The following VIPAS39 variants were observed in gnomAD, a reference collection of about 807,000 sequenced individuals.
The protein encoded by VIPAS39 is VPS33B interacting protein, apical-basolateral polarity regulator, spe-39 homolog.
Under a neutral mutation model 84.7 loss-of-function variants are expected in VIPAS39, and 63 were observed. That is an observed-to-expected ratio of 0.74 (90% CI 0.61 to 0.92). The LOEUF (loss-of-function observed/expected upper bound fraction) is 0.92. Ranked by LOEUF, VIPAS39 falls within the 40% of genes least tolerant of loss-of-function variation. VIPAS39 has a pLI of 0.00. For synonymous variants in VIPAS39, 192 were observed against 216.5 expected, an observed-to-expected ratio of 0.89 and a Z score of 0.99; for missense variants, 499 against 604.5, an observed-to-expected ratio of 0.83 and a Z score of 1.83.
At chr14:77,446,975 A>T (rs965688442) in intron 7 of VIPAS39, among the ~76,000 whole-genome samples, 2 of 147,574 alleles carry the variant, frequency 1.4e-5, no homozygotes, top group East Asian at 1.9e-4. Flanking sequence ...CTATAAGATT[A>T]TAAGTTACAT....
chr14:77,447,565 C>T (rs1594918726), intron 7 of VIPAS39, among the ~76,000 whole-genome samples: 1 of 152,208 alleles, frequency 6.6e-6, no homozygotes, highest in East Asian at 1.9e-4. Flanking sequence ...TGGAGATCTA[C>T]ATGGGGAAAA....
intron 7 of VIPAS39, among the ~76,000 whole-genome samples, chr14:77,444,982 G>T (rs537162550): frequency 8.8e-5 from 13 of 147,220 alleles, no homozygotes; most frequent in Non-Finnish European, 1.3e-4. Flanking sequence ...TTTTTGAGAC[G>T]GAGTCTCGCT....
chr14:77,442,094 C>T (rs1173924721), intron 10 of VIPAS39, among the ~76,000 whole-genome samples: 1 of 152,160 alleles, frequency 6.6e-6, no homozygotes, highest in Admixed American at 6.5e-5. Context: ...CCACTGGTAT[C>T]ACTTAGAATC....
At chr14:77,439,583 T>A (rs145252473) in intron 11 of VIPAS39, among the ~76,000 whole-genome samples, 1 of 152,176 alleles carries the variant, frequency 6.6e-6, no homozygotes, top group African/African-American at 2.4e-5. Flanking sequence ...GGCTAGGAGT[T>A]CAAGACCAGC....
Position 77,457,515 on chromosome 14 carries a change from C to A in VIPAS39, c.-21G>T. 1.1e-6 allele frequency: 1 copy of A among 950,302 alleles called. No homozygotes were observed. Among genetic ancestry groups the A allele is most frequent in the African/African-American group, 1.6e-5 (1 of 61,062 alleles). 58.9% of individuals were successfully genotyped at this position (950,302 alleles called of 1,614,324 possible). ...CTCACCTCTTCCGCACAGAGCCCTC[C>A]CTCTCAGGACAGCGCCAGCCTCCGC... On this transcript the variant is annotated 5_prime_UTR_variant, in exon 1 of 20. Coordinates refer to ENST00000557658, the MANE Select transcript of VIPAS39 (RefSeq NM_001193315.2).
intron 7 of VIPAS39, among the ~76,000 whole-genome samples, chr14:77,446,705 T>C (rs567160431): frequency 9.8e-5 from 15 of 152,352 alleles, no homozygotes; most frequent in Admixed American, 2.6e-4. Context: ...GATTTCAACA[T>C]TTATATAATA....
chr14:77,438,256 C>G (rs1225103400), intron 11 of VIPAS39, among the ~76,000 whole-genome samples: 1 of 139,670 alleles, frequency 7.2e-6, no homozygotes, highest in Admixed American at 7.8e-5. Context: ...GAGACGAAGT[C>G]TCACTCTTGT....
At chr14:77,433,790 T>C (rs1271163065) in intron 16 of VIPAS39, 52 bp downstream of exon 16, 4 of 1,579,274 alleles carry the variant, frequency 2.5e-6, no homozygotes, top group South Asian at 1.1e-5. Flanking sequence ...TATAACATGA[T>C]AGAACCCTTC....
chr14:77,444,005 C>G (rs142811194), intron 8 of VIPAS39, among the ~76,000 whole-genome samples: 16 of 147,960 alleles, frequency 1.1e-4, no homozygotes, highest in African/African-American at 3.5e-4. Flanking sequence ...CACACCACTG[C>G]ACTTCAACCT....
Position 77,429,716 on chromosome 14 carries a change from C to T in VIPAS39, c.1231G>A (p.Val411Ile). Residue 411 changes from valine (V) to isoleucine (I), a missense_variant, in exon 17 of 20, where the codon GTC becomes ATC. Physicochemically the swap from Val to Ile is conservative, Grantham distance 29. Coordinates refer to ENST00000557658, the MANE Select transcript of VIPAS39 (RefSeq NM_001193315.2). ...KRAPIGFHRV[V>I]EILHKNNAPV... ...GCATTGTTCTTGTGCAAAATTTCGA[C>T]AACCCGATGGAAGCCAATGGGTGCT... is the stretch of plus-strand genomic sequence containing the variant. The T allele has an allele frequency of 1.2e-6, 2 of 1,614,192 alleles. No individual in the cohort carries two copies. The highest frequency in any genetic ancestry group is 1.7e-6 in the Non-Finnish European group (2 of 1,180,028).
In VIPAS39 at chr14:77,454,295, T is replaced by C. The variant is rs369712169; in HGVS notation, c.1-193A>G. 7.9e-5 allele frequency among the ~76,000 whole-genome samples: 12 copies of C among 152,310 alleles called. No individual in the cohort carries two copies. In the South Asian group the frequency reaches 1.9e-3, roughly 24 times the overall value. ...CCAACTGATCAAATCATACTTCTAA[T>C]CTTCTAATTACCCATAAGTAGTCAT... On this transcript the variant is annotated intron_variant, in intron 1 of 19. Transcript: ENST00000557658.
chr14:77,457,335 A>G lies in VIPAS39; in HGVS notation c.-1+160T>C, dbSNP rs562199500. On this transcript the variant is annotated intron_variant, in intron 1 of 19. Coordinates refer to ENST00000557658, the MANE Select transcript of VIPAS39 (RefSeq NM_001193315.2). ...GTGCTCACTCGCAGCCCCAGTCCCA[A>G]GCGTACTCCAGCGCCCAAGGGTCGC... 2,443 of 1,535,630 alleles carry G rather than the reference A, an allele frequency of 1.6e-3. 4 individuals carry two copies. Among genetic ancestry groups the G allele is most frequent in the Non-Finnish European group, 1.9e-3 (2,147 of 1,146,890 alleles).
At chr14:77,442,968 G>T in intron 9 of VIPAS39, 151 bp downstream of exon 9, 2 of 1,028,084 alleles carry the variant, frequency 1.9e-6, no homozygotes, top group Non-Finnish European at 1.5e-6. Context: ...CGCCCTCAGA[G>T]ATGTGATTTG....
chr14:77,449,431 G>T, intron 5 of VIPAS39, 74 bp from the exon 6 acceptor site: 1 of 1,576,294 alleles, frequency 6.3e-7, no homozygotes, highest in Non-Finnish European at 8.7e-7. Context: ...CTACTTCTTC[G>T]TTCTCACATT....
chr14:77,450,663 C>T (rs148187294), intron 4 of VIPAS39, among the ~76,000 whole-genome samples: 12 of 152,238 alleles, frequency 7.9e-5, no homozygotes, highest in African/African-American at 2.9e-4. Flanking sequence ...GAAGCCCCCA[C>T]CATGCCCGGC....
In VIPAS39 at chr14:77,447,321, G is replaced by A. The variant is rs1185446370; in HGVS notation, c.504+1173C>T. ...ATTACAGGCATGAACCACCGTGCCC[G>A]GCCGCACACCTGGCTAATTTTTTTT... is the stretch of plus-strand genomic sequence containing the variant. On this transcript the variant is annotated intron_variant, in intron 7 of 19. Coordinates refer to ENST00000557658, the MANE Select transcript of VIPAS39 (RefSeq NM_001193315.2). 3.3e-5 allele frequency among the ~76,000 whole-genome samples: 5 copies of A among 149,926 alleles called. No homozygotes were observed. In the South Asian group the frequency reaches 6.3e-4, roughly 19 times the overall value.
rs2078847861 is a variant in VIPAS39, at chr14:77,449,400, C to G, written c.383-43G>C. The G allele has an allele frequency of 1.9e-6, 3 of 1,607,876 alleles. No individual in the cohort carries two copies. The East Asian group carries it at 6.7e-5, about 36-fold the overall frequency. On this transcript the variant is annotated intron_variant, in intron 5 of 19. Coordinates refer to ENST00000557658, the MANE Select transcript of VIPAS39 (RefSeq NM_001193315.2). ...GCTGGTTCAGAAGGGCACCATGAATCCTGCTTGTCATTCCTTCCCTCTACT... is the reference window on the plus strand; with the variant it reads ...GCTGGTTCAGAAGGGCACCATGAATGCTGCTTGTCATTCCTTCCCTCTACT...
At chr14:77,433,981 T>C (rs760319769) in intron 15 of VIPAS39, 50 bp from the exon 16 acceptor site, 11 of 1,561,946 alleles carry the variant, frequency 7.0e-6, no homozygotes, top group Middle Eastern at 3.3e-4. Context: ...AATACATCAA[T>C]GGGGGTGCTT....
chr14:77,432,519 TAA>T (rs1162255544), intron 16 of VIPAS39, among the ~76,000 whole-genome samples: 1 of 152,172 alleles, frequency 6.6e-6, no homozygotes, highest in African/African-American at 2.4e-5. Context: ...GGAAACAACC[TAA>T]GTGTCCATTG....
Sources: gnomAD v4.1 joint callset for allele counts (sites outside exome capture counted in the v4.1 genomes callset) on GRCh38, gnomAD v4.1.1 for gene constraint, MANE v1.5 for transcripts, NCBI Gene and HGNC (gene_info 2026-07-23, HGNC 2026-07-21) for gene names.